Variants in ABCA13 observed in about 807,000 individuals in gnomAD.
ABCA13 encodes the protein ATP-binding cassette sub-family A member 13.
In ABCA13, 476 loss-of-function variants were observed where a neutral mutation model predicts 478.7. The observed-to-expected ratio is 0.99, with a 90% confidence interval of 0.92 to 1.07. The LOEUF (loss-of-function observed/expected upper bound fraction) is 1.07, where lower values mean the gene tolerates loss of function less well. Among genes scored for constraint, ABCA13 ranks in the 50% least tolerant of loss-of-function variants. ABCA13 has a pLI of 0.00. For synonymous variants in ABCA13, 2,252 were observed against 2,158.9 expected (o/e 1.04, Z -1.20); for missense variants, 6,060 against 5,910.6 (o/e 1.03, Z -0.83).
chr7:48,268,835 A>G (rs1795213321), intron 15 of ABCA13, 145 bp from the exon 16 acceptor site: 1 of 544,450 alleles, frequency 1.8e-6, no homozygotes, highest in Admixed American at 3.7e-5. Context: ...GTCAAATTAG[A>G]AGATTCCTAC....
intron 19 of ABCA13, among the ~76,000 whole-genome samples, chr7:48,282,451 G>A (rs931195695): frequency 2.0e-5 from 3 of 152,154 alleles, no homozygotes; most frequent in African/African-American, 7.2e-5. Context: ...GATGGCAGTG[G>A]GTTTTGACAA....
intron 15 of ABCA13, among the ~76,000 whole-genome samples, chr7:48,250,614 A>G (rs1351080824): frequency 6.6e-6 from 1 of 152,186 alleles, no homozygotes; most frequent in Non-Finnish European, 1.5e-5. Context: ...TTATTATGTT[A>G]ATGGCTCACC....
chr7:48,276,357 G>A lies in ABCA13; in HGVS notation c.6691G>A (p.Asp2231Asn). 6.4e-7 allele frequency: 1 copy of A among 1,550,750 alleles called. No homozygotes were observed. Among genetic ancestry groups the A allele is most frequent in the Non-Finnish European group, 8.7e-7 (1 of 1,148,350 alleles). The change falls in exon 17 of 62, where the codon GAC (aspartate) becomes AAC (asparagine). Residue 2231 changes from aspartate to asparagine, a missense_variant. By Grantham distance (23) the Asp-to-Asn change is conservative. Around this residue, in one of 3 missense-constraint regions of ABCA13, gnomAD observed 4,423 missense variants for 4,309.1 expected, o/e 1.03. Transcript: ENST00000435803. Reference protein sequence around the residue: ...QEAAWNLNDTDLQIMNFINLI... With the variant: ...QEAAWNLNDTNLQIMNFINLI... ...AGCAGCTTGGAACTTAAATGATACT[G>A]ACCTTCAAATAATGAATTTCATTAA...
intron 3 of ABCA13, among the ~76,000 whole-genome samples, chr7:48,202,430 G>T (rs915193581): frequency 6.6e-6 from 1 of 152,120 alleles, no homozygotes; most frequent in Non-Finnish European, 1.5e-5. Context: ...CACAAACCCT[G>T]AGCTAGACAC....
intron 31 of ABCA13, among the ~76,000 whole-genome samples, chr7:48,363,513 C>G (rs2129009274): frequency 6.6e-6 from 1 of 152,110 alleles, no homozygotes; most frequent in South Asian, 2.1e-4. Flanking sequence ...TTGATGTATT[C>G]TAGCTTTGCA....
chr7:48,509,642 A>G (rs1831506740), intron 50 of ABCA13, among the ~76,000 whole-genome samples: 1 of 152,162 alleles, frequency 6.6e-6, no homozygotes, highest in Admixed American at 6.5e-5. Context: ...TTCCATCTTC[A>G]TCCAATCATT....
intron 42 of ABCA13, among the ~76,000 whole-genome samples, chr7:48,429,098 T>A (rs76993235): frequency 6.6e-6 from 1 of 152,198 alleles, no homozygotes; most frequent in East Asian, 1.9e-4. Context: ...TTGAGGTTCA[T>A]CCATGTTACA....
At chr7:48,635,186 A>G (rs1391687395) in intron 59 of ABCA13, among the ~76,000 whole-genome samples, 1 of 147,552 alleles carries the variant, frequency 6.8e-6, no homozygotes, top group Non-Finnish European at 1.5e-5. Flanking sequence ...TATTAAGAAC[A>G]CCCTTATGGT....
At chr7:48,473,779 C>G (rs914236973) in intron 45 of ABCA13, among the ~76,000 whole-genome samples, 1 of 152,204 alleles carries the variant, frequency 6.6e-6, no homozygotes, top group South Asian at 2.1e-4. Flanking sequence ...TTAAAGGGAG[C>G]TCACATTCCT....
intron 27 of ABCA13, among the ~76,000 whole-genome samples, chr7:48,323,509 A>G (rs1803831288): frequency 6.6e-6 from 1 of 152,224 alleles, no homozygotes; most frequent in Admixed American, 6.5e-5. Flanking sequence ...GCCATCAAGA[A>G]GATTATCTCC....
In ABCA13 at chr7:48,455,044, C is replaced by G. The variant is rs769282773; in HGVS notation, c.12573C>G (p.Ser4191=). 310 of 1,519,898 alleles carry G rather than the reference C, an allele frequency of 2.0e-4. 1 individual carries two copies. The highest frequency in any genetic ancestry group is 6.3e-4 in the Middle Eastern group (3 of 4,782). The allele number at this position is 1,519,898 out of a possible 1,614,324, so 94.2% of individuals were successfully genotyped here. The change falls in exon 43 of 62, where the codon TCC becomes TCG. Residue 4191 remains serine (S), a synonymous_variant. Coordinates refer to ENST00000435803, the MANE Select transcript of ABCA13 (RefSeq NM_152701.5). ...CTCCCGCCCGTCCTGCAGGTGGCTC[C>G]CTAGCACGGCCCGCAACTGTGCAGG... ...PTGHLSGYCG[S]LARPATVQGV... is the part of the protein sequence containing the mutation.
At chr7:48,344,147 T>A (rs1452704878) in intron 29 of ABCA13, among the ~76,000 whole-genome samples, 5 of 152,294 alleles carry the variant, frequency 3.3e-5, no homozygotes, top group Non-Finnish European at 7.4e-5. Flanking sequence ...CAACTGAGGA[T>A]GATTTTGTCC....
chr7:48,427,451 A>G (rs763859471), intron 41 of ABCA13, among the ~76,000 whole-genome samples: 27 of 152,172 alleles, frequency 1.8e-4, no homozygotes, highest in Non-Finnish European at 1.8e-4. Flanking sequence ...CTTAAGTTGA[A>G]TTGGATACAC....
chr7:48,515,538 C>A (rs938332070), intron 51 of ABCA13, among the ~76,000 whole-genome samples: 1 of 152,174 alleles, frequency 6.6e-6, no homozygotes, highest in African/African-American at 2.4e-5. Context: ...TTTAGCAATG[C>A]TTCTTACTCC....
At chr7:48,253,090 A>G (rs990868003) in intron 15 of ABCA13, among the ~76,000 whole-genome samples, 2 of 152,172 alleles carry the variant, frequency 1.3e-5, no homozygotes, top group African/African-American at 4.8e-5. Flanking sequence ...TTTAAAATGT[A>G]TTATTCAGTC....
chr7:48,471,702 A>G (rs1827519966), intron 45 of ABCA13, 103 bp downstream of exon 45: 25 of 1,110,188 alleles, frequency 2.3e-5, no homozygotes, highest in Non-Finnish European at 2.7e-5. Context: ...CTGTGTCTTT[A>G]TAACTTTTTG....
At chr7:48,458,665 A>C (rs1192533234) in intron 43 of ABCA13, among the ~76,000 whole-genome samples, 2 of 152,196 alleles carry the variant, frequency 1.3e-5, no homozygotes, top group African/African-American at 4.8e-5. Flanking sequence ...ATCTTCATAA[A>C]AGCACAAACC....
chr7:48,455,592 C>A (rs1452967017), intron 43 of ABCA13, among the ~76,000 whole-genome samples: 1 of 152,208 alleles, frequency 6.6e-6, no homozygotes, highest in Non-Finnish European at 1.5e-5. Flanking sequence ...TGCAGAGGGC[C>A]CAGCACGCCC....
At chr7:48,495,193 A>T (rs1249940423) in intron 48 of ABCA13, among the ~76,000 whole-genome samples, 1 of 152,232 alleles carries the variant, frequency 6.6e-6, no homozygotes, top group African/African-American at 2.4e-5. Context: ...TAAAGAAAAA[A>T]GTTTTTACAA....
Sources: gnomAD v4.1 joint callset for allele counts (sites outside exome capture counted in the v4.1 genomes callset) on GRCh38, gnomAD v4.1.1 for gene constraint, gnomAD v4.1.1 regional missense constraint, MANE v1.5 for transcripts, NCBI Gene and HGNC (gene_info 2026-07-23, HGNC 2026-07-21) for gene names.